PDE9A: variants seen among roughly 807,000 people sequenced by gnomAD.
The protein encoded by PDE9A is high affinity cGMP-specific 3',5'-cyclic phosphodiesterase 9A.
Under a neutral mutation model 87.4 loss-of-function variants are expected in PDE9A, and 60 were observed. The observed-to-expected ratio is 0.69, with a 90% CI of 0.56 to 0.85. PDE9A has a LOEUF of 0.85. Ranked by LOEUF, PDE9A falls within the 40% of genes least tolerant of loss-of-function variation. The pLI is 0.00. For missense variants in PDE9A, 665 were observed against 779.0 expected, an observed-to-expected ratio of 0.85 and a Z score of 1.74; for synonymous variants, 272 against 279.4, an observed-to-expected ratio of 0.97 and a Z score of 0.27.
intron 7 of PDE9A, chr21:42,734,434 A>G (rs2052172997): frequency 6.6e-6 from 1 of 152,258 alleles, no homozygotes; most frequent in Non-Finnish European, 1.5e-5. Context: ...CTCTTTGTCA[A>G]TGACAAGGCA....
chr21:42,670,145 A>G, intron 1 of PDE9A, among the ~76,000 whole-genome samples: 1 of 147,056 alleles, frequency 6.8e-6, no homozygotes, highest in Admixed American at 6.8e-5. Context: ...ATGCTTACAC[A>G]CACATTCACA....
At chr21:42,771,502 G>A (rs529555917) in intron 18 of PDE9A, among the ~76,000 whole-genome samples, 1 of 152,310 alleles carries the variant, frequency 6.6e-6, no homozygotes, top group South Asian at 2.1e-4. Flanking sequence ...ACTCCTGCAG[G>A]GTTTGACCCC....
intron 4 of PDE9A, among the ~76,000 whole-genome samples, chr21:42,729,865 T>C (rs771953289): frequency 6.6e-6 from 1 of 152,220 alleles, no homozygotes; most frequent in African/African-American, 2.4e-5. Context: ...TCAGAGGACA[T>C]GCTCTGTATA....
intron 4 of PDE9A, among the ~76,000 whole-genome samples, chr21:42,701,482 G>A (rs1185614985): frequency 1.3e-5 from 2 of 151,650 alleles, no homozygotes; most frequent in Non-Finnish European, 2.9e-5. Flanking sequence ...TGTTGCCCAG[G>A]CTGGAGTGCA....
intron 1 of PDE9A, among the ~76,000 whole-genome samples, chr21:42,657,903 A>G (rs1163106890): frequency 6.6e-6 from 1 of 152,218 alleles, no homozygotes; most frequent in Non-Finnish European, 1.5e-5. Context: ...GTCTGAACAC[A>G]TCGGTGGCCG....
At chr21:42,746,927 C>T (rs543520497) in intron 8 of PDE9A, among the ~76,000 whole-genome samples, 24 of 152,296 alleles carry the variant, frequency 1.6e-4, no homozygotes, top group African/African-American at 4.6e-4. Flanking sequence ...GCGACGTTCT[C>T]GGCTGACAGC....
chr21:42,719,881 T>G (rs1402755992), intron 4 of PDE9A, among the ~76,000 whole-genome samples: 2 of 152,150 alleles, frequency 1.3e-5, no homozygotes, highest in African/African-American at 4.8e-5. Flanking sequence ...GACTCAATCT[T>G]TACAAACATT....
Position 42,670,296 on chromosome 21 carries a change from CACACAT to C in PDE9A, c.70-15891_70-15886del, listed in dbSNP as rs2058392298. On this transcript the variant is annotated intron_variant, in intron 1 of 19. Coordinates refer to ENST00000291539, the MANE Select transcript of PDE9A (RefSeq NM_002606.3). ...TCACACATTCACACATACACATTCA[CACACAT>C]ACACTTAGACACCACACTCACATTC... Among the ~76,000 whole-genome samples the C allele has an allele frequency of 3.4e-5, 5 of 145,280 alleles. No individual in the cohort carries two copies. The South Asian group carries it at 1.1e-3, about 31-fold the overall frequency.
chr21:42,663,843 T>TGCCCTAAAGCCCAGGCCTC (rs2057773195), intron 1 of PDE9A, among the ~76,000 whole-genome samples: 1 of 152,172 alleles, frequency 6.6e-6, no homozygotes, highest in Non-Finnish European at 1.5e-5. Flanking sequence ...TCCCAGGCCT[T>TGCCCTAAAGCCCAGGCCTC]GCCCTAAAGC....
chr21:42,749,034 G>A (rs1444742709), intron 8 of PDE9A, among the ~76,000 whole-genome samples: 1 of 152,160 alleles, frequency 6.6e-6, no homozygotes, highest in Non-Finnish European at 1.5e-5. Flanking sequence ...CCCGTCTTGG[G>A]ACATTCAGGT....
chr21:42,685,353 G>A (rs1569144068), intron 1 of PDE9A, among the ~76,000 whole-genome samples: 2 of 152,226 alleles, frequency 1.3e-5, no homozygotes, highest in Non-Finnish European at 2.9e-5. Context: ...CTCTGCAGGC[G>A]CCAGTTTCAC....
chr21:42,746,291 G>A (rs915939972), intron 8 of PDE9A, among the ~76,000 whole-genome samples: 3 of 152,202 alleles, frequency 2.0e-5, no homozygotes, highest in East Asian at 1.9e-4. Flanking sequence ...CTGGGGCTGC[G>A]TAACGAATTC....
At position 42,733,351 on chromosome 21, in the gene PDE9A, C is replaced by T. The variant is rs1465311073; in HGVS notation, c.498-5C>T. ...TTTACTCTCTCTTTTCTTTTTCATT[C>T]CTAGAGCATTCAAAATCAATGAACT... On this transcript the variant is annotated splice_polypyrimidine_tract_variant and splice_region_variant and intron_variant, in intron 6 of 19. Coordinates refer to ENST00000291539, the MANE Select transcript of PDE9A (RefSeq NM_002606.3). 6.4e-7 allele frequency: 1 copy of T among 1,558,710 alleles called. No individual in the cohort carries two copies. The highest frequency in any genetic ancestry group is 1.1e-5 in the South Asian group (1 of 89,848).
intron 1 of PDE9A, among the ~76,000 whole-genome samples, chr21:42,669,249 T>TC (rs1569113305): frequency 6.6e-6 from 1 of 151,930 alleles, no homozygotes; most frequent in South Asian, 2.1e-4. Flanking sequence ...CTCTAGAGGC[T>TC]CCCCCGGAGA....
At chr21:42,688,083 C>A in intron 3 of PDE9A, 89 bp downstream of exon 3, 1 of 1,076,228 alleles carries the variant, frequency 9.3e-7, no homozygotes, top group Non-Finnish European at 1.4e-6. Flanking sequence ...AAATGTGCTA[C>A]TGCAGAAAGG....
chr21:42,764,299 T>C (rs2147135106), intron 14 of PDE9A, among the ~76,000 whole-genome samples: 1 of 152,334 alleles, frequency 6.6e-6, no homozygotes, highest in East Asian at 1.9e-4. Flanking sequence ...CTCCCCTTTA[T>C]CTATAGGCTC....
At chr21:42,709,002 T>G (rs1602185987) in intron 4 of PDE9A, among the ~76,000 whole-genome samples, 1 of 152,358 alleles carries the variant, frequency 6.6e-6, no homozygotes, top group East Asian at 1.9e-4. Context: ...TATATCTACA[T>G]GTATGTTCAT....
chr21:42,718,702 G>A lies in PDE9A; in HGVS notation c.263-13068G>A, dbSNP rs186537207. Reference sequence around the variant, plus strand: ...GCCGCTTTTGTTTCGGTGTTTGCACGTACCTGCAATTGCTGCATTAAAGTC... The same window carrying A: ...GCCGCTTTTGTTTCGGTGTTTGCACATACCTGCAATTGCTGCATTAAAGTC... On this transcript the variant is annotated intron_variant, in intron 4 of 19. Transcript: ENST00000291539. 1.1e-3 allele frequency among the ~76,000 whole-genome samples: 169 copies of A among 151,816 alleles called. 3 individuals carry two copies. Among genetic ancestry groups the A allele is most frequent in the African/African-American group, 3.7e-3 (155 of 41,484 alleles).
At chr21:42,773,842 T>C (rs62213445) in intron 19 of PDE9A, among the ~76,000 whole-genome samples, 29,298 of 146,844 alleles carry the variant, frequency 0.2, 3,059 homozygotes, top group South Asian at 0.29. Flanking sequence ...CAGTGGCTCA[T>C]GCCTGTAGTC....
Sources: gnomAD v4.1 joint callset for allele counts (sites outside exome capture counted in the v4.1 genomes callset) on GRCh38, gnomAD v4.1.1 for gene constraint, MANE v1.5 for transcripts, NCBI Gene and HGNC (gene_info 2026-07-23, HGNC 2026-07-21) for gene names.